The following VPS35L variants were observed in gnomAD, a reference collection of about 807,000 sequenced individuals.
The protein encoded by VPS35L is VPS35 endosomal protein sorting factor like.
Under a neutral mutation model 133.0 loss-of-function variants are expected in VPS35L, and 83 were observed. The observed-to-expected ratio is 0.62, with a 90% confidence interval of 0.52 to 0.75. VPS35L has a LOEUF of 0.75. Ranked by LOEUF, VPS35L falls within the 30% of genes least tolerant of loss-of-function variation. VPS35L has a pLI of 0.00. For missense variants in VPS35L, 1,083 were observed against 1,206.8 expected, an observed-to-expected ratio of 0.90 and a Z score of 1.52; for synonymous variants, 423 against 449.9, an observed-to-expected ratio of 0.94 and a Z score of 0.76.
intron 2 of VPS35L, 114 bp from the exon 3 acceptor site, chr16:19,569,310 G>T: frequency 8.4e-7 from 1 of 1,195,256 alleles, no homozygotes; most frequent in Admixed American, 1.8e-5. Context: ...TTAAGTCTCT[G>T]CTGCAAATGA....
rs746570672 is a variant in VPS35L at position 19,564,917 on chromosome 16, G to A, written c.84G>A (p.Glu28=). 2.5e-6 allele frequency: 4 copies of A among 1,613,470 alleles called. No homozygotes were observed. The East Asian group carries it at 6.7e-5, about 27-fold the overall frequency. Residue 28 remains glutamate, a synonymous_variant, in exon 2 of 31, where the codon GAG becomes GAA. Transcript: ENST00000417362. ...GCCGACTGGAGGCTGTACCATTGGA[G>A]TTTGGGGACTATCACCCTCTGAAAC... ...ASCRLEAVPL[E]FGDYHPLKPI... is the part of the protein sequence containing the mutation.
rs1973537327 is a variant in VPS35L, at chr16:19,633,856, A to T, written c.1635+684A>T. 1.3e-5 allele frequency among the ~76,000 whole-genome samples: 2 copies of T among 151,956 alleles called. No individual in the cohort carries two copies. Among genetic ancestry groups the T allele is most frequent in the South Asian group, 4.2e-4 (2 of 4,808 alleles). ...ATTCTTCTGTCTCAGCCTTCCGAGT[A>T]GCTGGGACTACAGGGGCGTGCCACC... On this transcript the variant is annotated intron_variant, in intron 19 of 30. Transcript: ENST00000417362. The surrounding 1 kb of genome is among the most constrained non-coding windows in gnomAD (Gnocchi z 4.1).
At chr16:19,611,593 G>A (rs917687093) in intron 12 of VPS35L, 6 of 152,094 alleles carry the variant, frequency 3.9e-5, no homozygotes, top group South Asian at 4.1e-4. Context: ...CAAGTTTCAC[G>A]AAAAACTAAG....
At chr16:19,631,409 C>T (rs1973452104) in intron 18 of VPS35L, among the ~76,000 whole-genome samples, 1 of 152,180 alleles carries the variant, frequency 6.6e-6, no homozygotes, top group Non-Finnish European at 1.5e-5. Flanking sequence ...AAGGTAGACA[C>T]CATCCTGGCC....
intron 7 of VPS35L, 168 bp downstream of exon 7, chr16:19,581,821 A>G (rs1971719805): frequency 2.4e-6 from 2 of 825,256 alleles, no homozygotes; most frequent in African/African-American, 1.7e-5. Context: ...CTGTGTTTTT[A>G]TGAGATGGCT....
intron 23 of VPS35L, among the ~76,000 whole-genome samples, chr16:19,645,590 C>G (rs114801558): frequency 0.015 from 2,245 of 152,110 alleles, 79 homozygotes; most frequent in African/African-American, 0.051. Flanking sequence ...CACCCAGCCC[C>G]CTGTCTGTCT....
At chr16:19,564,313 G>A (rs960063509) in intron 1 of VPS35L, among the ~76,000 whole-genome samples, 8 of 150,642 alleles carry the variant, frequency 5.3e-5, no homozygotes, top group East Asian at 3.9e-4. Flanking sequence ...TCCTGACCTC[G>A]TGATCCGCCT....
Position 19,682,415 on chromosome 16 carries a change from C to T in VPS35L, c.2527+25C>T, listed in dbSNP as rs754438866. 13 of 1,602,512 alleles carry T rather than the reference C, an allele frequency of 8.1e-6. No homozygotes were observed. The East Asian group carries it at 2.2e-4, about 28-fold the overall frequency. ...GGTAGCAGAGCCTCCCCCACCAAAC[C>T]ATGCTCCGCATGGATTTCATGAAAG... On this transcript the variant is annotated intron_variant, in intron 28 of 30. Coordinates refer to ENST00000417362, the MANE Select transcript of VPS35L (RefSeq NM_020314.7).
intron 5 of VPS35L, among the ~76,000 whole-genome samples, chr16:19,577,494 T>C (rs1971574114): frequency 2.6e-5 from 4 of 152,184 alleles, no homozygotes; most frequent in Admixed American, 2.6e-4. Context: ...GATGAGACTT[T>C]GTATGAATAT....
chr16:19,570,834 C>CATATATATATATATATATATATAT (rs58794831), intron 3 of VPS35L, among the ~76,000 whole-genome samples: 1 of 78,806 alleles, frequency 1.3e-5, no homozygotes, highest in African/African-American at 3.9e-5. Flanking sequence ...TGCTGTGTTT[C>CATATATATATATATATATATATAT]ATATATATAT....
intron 27 of VPS35L, among the ~76,000 whole-genome samples, chr16:19,680,640 G>A (rs1219556095): frequency 3.9e-5 from 6 of 152,144 alleles, no homozygotes; most frequent in South Asian, 2.1e-4. Flanking sequence ...GGCTGGGCGC[G>A]GTGGCTCATG....
At chr16:19,597,476 G>A (rs1972254082) in intron 8 of VPS35L, among the ~76,000 whole-genome samples, 1 of 152,198 alleles carries the variant, frequency 6.6e-6, no homozygotes, top group South Asian at 2.1e-4. Flanking sequence ...GATAGAAATG[G>A]TTTCTCTCAG....
intron 7 of VPS35L, among the ~76,000 whole-genome samples, chr16:19,589,208 T>C (rs1971964525): frequency 6.6e-6 from 1 of 152,202 alleles, no homozygotes; most frequent in Non-Finnish European, 1.5e-5. Context: ...ACTCAGGTCA[T>C]CTTTGAATGT....
chr16:19,568,023 A>G (rs2079012), intron 2 of VPS35L, among the ~76,000 whole-genome samples: 26,900 of 151,612 alleles, frequency 0.18, 2,687 homozygotes, highest in African/African-American at 0.26. Context: ...TTCGCTACAC[A>G]TTGGGAGTTC....
intron 27 of VPS35L, among the ~76,000 whole-genome samples, chr16:19,671,417 C>T (rs113436789): frequency 2.7e-5 from 4 of 149,724 alleles, no homozygotes; most frequent in Admixed American, 1.3e-4. Flanking sequence ...TGCAGTGAGC[C>T]GAGATTGCAC....
chr16:19,577,574 T>C lies in VPS35L; in HGVS notation c.434-1478T>C, dbSNP rs539011957. Among the ~76,000 whole-genome samples the C allele has an allele frequency of 1.4e-4, 21 of 152,292 alleles. No homozygotes were observed. The East Asian group carries it at 1.7e-3, about 13-fold the overall frequency. Reference sequence around the variant, plus strand: ...GGCACAACCACCTTGTAGAACACTTTTGCATTTTTTATTTTATTTGAAGAC... The same window carrying C: ...GGCACAACCACCTTGTAGAACACTTCTGCATTTTTTATTTTATTTGAAGAC... On this transcript the variant is annotated intron_variant, in intron 5 of 30. Transcript: ENST00000417362.
At chr16:19,697,996 C>A (rs1457462309) in intron 29 of VPS35L, among the ~76,000 whole-genome samples, 2 of 152,194 alleles carry the variant, frequency 1.3e-5, no homozygotes, top group African/African-American at 4.8e-5. Context: ...CCACCATAAC[C>A]CGTTGCCACA....
intron 7 of VPS35L, among the ~76,000 whole-genome samples, chr16:19,588,190 T>TG (rs61533359): frequency 6.7e-4 from 101 of 150,400 alleles, no homozygotes; most frequent in African/African-American, 2.0e-3. Context: ...TATGTATGTA[T>TG]TTATTTATTG....
chr16:19,699,573 CA>C lies in VPS35L; in HGVS notation c.2720del (p.Asn907ThrfsTer26). On this transcript the variant is annotated frameshift_variant, in exon 30 of 31. Transcript: ENST00000417362. LOFTEE classifies it high-confidence loss of function. This position sits in a 1 kb window ranked among gnomAD's most constrained non-coding sequence, Gnocchi z 4.2. ...SILAHGDLRN[N>X]KLNQLSVNLW... is the part of the protein sequence containing the mutation. ...TCTTGGCCCATGGGGACCTACGCAA[CA>C]ACAAGCTCAACCAGCTCTCCGTCAA... The C allele has an allele frequency of 6.2e-7, 1 of 1,614,174 alleles. No homozygotes were observed. The highest frequency in any genetic ancestry group is 8.5e-7 in the Non-Finnish European group (1 of 1,180,038).
Sources: gnomAD v4.1 joint callset for allele counts (sites outside exome capture counted in the v4.1 genomes callset) on GRCh38, gnomAD v4.1.1 for gene constraint, Gnocchi (gnomAD v3.1) non-coding constraint, MANE v1.5 for transcripts, NCBI Gene and HGNC (gene_info 2026-07-23, HGNC 2026-07-21) for gene names.